The following NAPG variants were observed in gnomAD, a reference collection of about 807,000 sequenced individuals.
NAPG encodes gamma-soluble NSF attachment protein.
Under a neutral mutation model 48.4 loss-of-function variants are expected in NAPG, and 25 were observed. The observed-to-expected ratio is 0.52, with a 90% CI of 0.38 to 0.72. NAPG has a LOEUF of 0.72. Among genes scored for constraint, NAPG ranks in the 30% least tolerant of loss-of-function variants. The pLI is 0.00. For missense variants in NAPG, 359 were observed against 372.5 expected (o/e 0.96, Z 0.30); for synonymous variants, 139 against 127.2 (o/e 1.09, Z -0.62).
At position 10,548,822 on chromosome 18, in the gene NAPG, G is replaced by A. The variant is rs2032322819; in HGVS notation, c.666-145G>A. The A allele has an allele frequency of 1.2e-5, 12 of 985,168 alleles. No individual in the cohort carries two copies. The highest frequency in any genetic ancestry group is 2.6e-4 in the Middle Eastern group (1 of 3,788). 61.0% of individuals were successfully genotyped at this position (985,168 alleles called of 1,614,324 possible). On this transcript the variant is annotated intron_variant, in intron 10 of 11. Transcript: ENST00000322897. The surrounding 1 kb of genome is among the most constrained non-coding windows in gnomAD (Gnocchi z 4.4). ...CTGGTTAGCGGGATCCCCGGTCTCT[G>A]CCCTCTAGATGCCACTAGCATTCCC...
At chr18:10,535,111 CTT>C (rs763838564) in intron 5 of NAPG, among the ~76,000 whole-genome samples, 2 of 152,138 alleles carry the variant, frequency 1.3e-5, no homozygotes, top group Non-Finnish European at 2.9e-5. Flanking sequence ...AAGTATTTGT[CTT>C]TCTTTTTTAA....
At chr18:10,526,510 C>T (rs1178885367) in intron 1 of NAPG, 2 of 284,686 alleles carry the variant, frequency 7.0e-6, no homozygotes, top group Admixed American at 5.2e-5. Flanking sequence ...GGCTCGTTAG[C>T]AGCATCCTTG....
rs762351095 is a variant in NAPG, at chr18:10,540,312, T to C, written c.436-17T>C. The C allele has an allele frequency of 3.7e-6, 6 of 1,609,368 alleles. No homozygotes were observed. In the African/African-American group the frequency reaches 6.7e-5, roughly 18 times the overall value. Reference sequence around the variant, plus strand: ...ACATTAAAGCAGCCAACACTTGTTTTTCTTTGATTCCTTCAGAATGAAGAA... The same window carrying C: ...ACATTAAAGCAGCCAACACTTGTTTCTCTTTGATTCCTTCAGAATGAAGAA... On this transcript the variant is annotated splice_polypyrimidine_tract_variant and intron_variant, in intron 7 of 11. Coordinates refer to ENST00000322897, the MANE Select transcript of NAPG (RefSeq NM_003826.3).
rs1283620434 is a variant in NAPG, at chr18:10,546,134, A to T, written c.507-192A>T. On this transcript the variant is annotated intron_variant, in intron 8 of 11. Coordinates refer to ENST00000322897, the MANE Select transcript of NAPG (RefSeq NM_003826.3). This position sits in a 1 kb window ranked among gnomAD's most constrained non-coding sequence, Gnocchi z 4.0. Reference sequence around the variant, plus strand: ...TTTTTCTGTCAGCGTGCAGCCTGAAAGTGGGGAGTCAGACATTTGAAAGGT... The same window carrying T: ...TTTTTCTGTCAGCGTGCAGCCTGAATGTGGGGAGTCAGACATTTGAAAGGT... 2.0e-5 allele frequency among the ~76,000 whole-genome samples: 3 copies of T among 152,138 alleles called. No individual in the cohort carries two copies. The highest frequency in any genetic ancestry group is 4.4e-5 in the Non-Finnish European group (3 of 68,018).
intron 8 of NAPG, 39 bp downstream of exon 8, chr18:10,540,438 C>T: frequency 6.5e-7 from 1 of 1,540,032 alleles, no homozygotes; most frequent in Non-Finnish European, 8.9e-7. Flanking sequence ...TTTAACTATA[C>T]TTTGAATCCA....
At chr18:10,529,740 G>A (rs950683674) in intron 1 of NAPG, among the ~76,000 whole-genome samples, 21 of 152,182 alleles carry the variant, frequency 1.4e-4, no homozygotes, top group Admixed American at 3.3e-4. Flanking sequence ...GTGACAGAGC[G>A]AGACCCTATC....
intron 5 of NAPG, among the ~76,000 whole-genome samples, chr18:10,537,547 C>T (rs557637874): frequency 6.6e-6 from 1 of 152,132 alleles, no homozygotes; most frequent in South Asian, 2.1e-4. Flanking sequence ...GCAAGACAGT[C>T]TGCGTATAAT....
chr18:10,528,914 G>A lies in NAPG; in HGVS notation c.57-1856G>A, dbSNP rs530188972. ...TTCTCCATTTTCTAATGATGACGTAGTTCAATATTGCTGAGTAATTTTGTA... is the reference window on the plus strand; with the variant it reads ...TTCTCCATTTTCTAATGATGACGTAATTCAATATTGCTGAGTAATTTTGTA... On this transcript the variant is annotated intron_variant, in intron 1 of 11. Transcript: ENST00000322897. Among the ~76,000 whole-genome samples, 4 of 152,308 alleles carry A rather than the reference G, an allele frequency of 2.6e-5. No individual in the cohort carries two copies. The East Asian group carries it at 7.7e-4, about 29-fold the overall frequency.
chr18:10,537,952 G>A (rs940985896), intron 5 of NAPG, among the ~76,000 whole-genome samples: 3 of 152,140 alleles, frequency 2.0e-5, no homozygotes, highest in African/African-American at 7.2e-5. Flanking sequence ...TGTCAACTTA[G>A]CAAGGGACTG....
At chr18:10,549,504 G>A (rs186196013) in intron 11 of NAPG, among the ~76,000 whole-genome samples, 11 of 152,298 alleles carry the variant, frequency 7.2e-5, no homozygotes, top group African/African-American at 9.6e-5. Context: ...GCTGTGTGTT[G>A]CAGGTCATTA....
At chr18:10,545,920 T>G (rs986453864) in intron 8 of NAPG, among the ~76,000 whole-genome samples, 6 of 151,998 alleles carry the variant, frequency 3.9e-5, no homozygotes, top group African/African-American at 9.7e-5. Flanking sequence ...AGGGACACAG[T>G]CGGGGGAAGG....
Position 10,534,358 on chromosome 18 carries a change from C to A in NAPG, c.228-108C>A. On this transcript the variant is annotated intron_variant, in intron 4 of 11. Transcript: ENST00000322897. The surrounding 1 kb of genome is among the most constrained non-coding windows in gnomAD (Gnocchi z 5.0). ...CCTGAAGTGATATGTTGTGCATGAGCCCATTGTAATTGAAGTCACTTTCCT... is the reference window on the plus strand; with the variant it reads ...CCTGAAGTGATATGTTGTGCATGAGACCATTGTAATTGAAGTCACTTTCCT... The A allele has an allele frequency of 1.3e-6, 1 of 795,392 alleles. No individual in the cohort carries two copies. Among genetic ancestry groups the A allele is most frequent in the Admixed American group, 2.0e-5 (1 of 50,818 alleles). The allele number at this position is 795,392 out of a possible 1,614,324, so 49.3% of individuals were successfully genotyped here.
At position 10,534,392 on chromosome 18, in the gene NAPG, G is replaced by A. The variant is rs2031990653; in HGVS notation, c.228-74G>A. The A allele has an allele frequency of 7.7e-7, 1 of 1,305,454 alleles. No individual in the cohort carries two copies. 80.9% of individuals were successfully genotyped at this position (1,305,454 alleles called of 1,614,324 possible). On this transcript the variant is annotated intron_variant, in intron 4 of 11. Coordinates refer to ENST00000322897, the MANE Select transcript of NAPG (RefSeq NM_003826.3). This position sits in a 1 kb window ranked among gnomAD's most constrained non-coding sequence, Gnocchi z 5.0. Reference sequence around the variant, plus strand: ...ATTGAAGTCACTTTCCTTACCAGTAGTTCCTCACCAGAAAGTTTCTTCTAC... The same window carrying A: ...ATTGAAGTCACTTTCCTTACCAGTAATTCCTCACCAGAAAGTTTCTTCTAC...
At chr18:10,547,183 G>C (rs2032286699) in intron 9 of NAPG, among the ~76,000 whole-genome samples, 2 of 152,222 alleles carry the variant, frequency 1.3e-5, no homozygotes. Flanking sequence ...CTTATGCATG[G>C]AACAGGCCCA....
chr18:10,540,008 C>A lies in NAPG; in HGVS notation c.389C>A (p.Pro130Gln). 1.3e-6 allele frequency: 2 copies of A among 1,599,736 alleles called. No homozygotes were observed. The highest frequency in any genetic ancestry group is 1.1e-5 in the South Asian group (1 of 89,274). Residue 130 changes from proline (P) to glutamine (Q), a missense_variant, in exon 7 of 12, where the codon CCA (proline) becomes CAA (glutamine). Pro to Gln is a moderately conservative substitution (Grantham distance 76). Transcript: ENST00000322897. ...TTCAGGCTTATAGAAAATGTTGATC[C>A]AGAGAAGGCTGTACAGTTATATCAA... is the stretch of plus-strand genomic sequence containing the variant. ...RAGKLIENVD[P>Q]EKAVQLYQQT...
At chr18:10,528,560 G>A (rs1315446887) in intron 1 of NAPG, among the ~76,000 whole-genome samples, 2 of 152,230 alleles carry the variant, frequency 1.3e-5, no homozygotes, top group Non-Finnish European at 2.9e-5. Flanking sequence ...TCAGGGGAGA[G>A]GTGGTGATGG....
At position 10,548,367 on chromosome 18, in the gene NAPG, G is replaced by C; in HGVS notation, c.654G>C (p.Arg218=). ...ATGTAGCTGCAGAAAGATGTGTCCGGGAGAGCTATAGGTAAGACGTTGTCT... is the reference window on the plus strand; with the variant it reads ...ATGTAGCTGCAGAAAGATGTGTCCGCGAGAGCTATAGGTAAGACGTTGTCT... The part of the protein sequence containing the change: ...NDYVAAERCV[R]ESYSIPGFNG... Residue 218 remains arginine (R), a synonymous_variant, in exon 10 of 12, where the codon CGG becomes CGC. Coordinates refer to ENST00000322897, the MANE Select transcript of NAPG (RefSeq NM_003826.3). The surrounding 1 kb of genome is among the most constrained non-coding windows in gnomAD (Gnocchi z 4.4). 1.9e-6 allele frequency: 3 copies of C among 1,613,440 alleles called. No homozygotes were observed. The highest frequency in any genetic ancestry group is 2.5e-6 in the Non-Finnish European group (3 of 1,179,426).
chr18:10,549,412 C>T lies in NAPG; in HGVS notation c.795+316C>T, dbSNP rs2032339492. 2.0e-5 allele frequency among the ~76,000 whole-genome samples: 3 copies of T among 152,176 alleles called. No homozygotes were observed. The South Asian group carries it at 6.2e-4, about 32-fold the overall frequency. On this transcript the variant is annotated intron_variant, in intron 11 of 11. Coordinates refer to ENST00000322897, the MANE Select transcript of NAPG (RefSeq NM_003826.3). The stretch of plus-strand genomic sequence containing the variant: ...CTCTGTAGGTTGCTTTTATTCATTT[C>T]TTTTAGACGGACTCTCTGAAAGAGG...
rs995398512 is a variant in NAPG at position 10,544,188 on chromosome 18, G to A, written c.507-2138G>A. 6.6e-6 allele frequency among the ~76,000 whole-genome samples: 1 copy of A among 152,160 alleles called. No individual in the cohort carries two copies. The highest frequency in any genetic ancestry group is 6.5e-5 in the Admixed American group (1 of 15,274). ...ATACAGATACATGTAGCTGTAGTCCGCCTTGCATTAATTTTTTATTTCTGC... is the reference window on the plus strand; with the variant it reads ...ATACAGATACATGTAGCTGTAGTCCACCTTGCATTAATTTTTTATTTCTGC... On this transcript the variant is annotated intron_variant, in intron 8 of 11. Transcript: ENST00000322897. The surrounding 1 kb of genome is among the most constrained non-coding windows in gnomAD (Gnocchi z 5.1).
Sources: gnomAD v4.1 joint callset for allele counts (sites outside exome capture counted in the v4.1 genomes callset) on GRCh38, gnomAD v4.1.1 for gene constraint, Gnocchi (gnomAD v3.1) non-coding constraint, MANE v1.5 for transcripts, NCBI Gene and HGNC (gene_info 2026-07-23, HGNC 2026-07-21) for gene names.